Variants in ASTN1 observed in about 807,000 individuals in gnomAD.
ASTN1 encodes the protein astrotactin 1, also known as astrotactin-1.
A neutral mutation model predicts 140.7 loss-of-function variants in ASTN1; 41 were observed. That is an observed-to-expected ratio of 0.29 (90% CI 0.23 to 0.38). The LOEUF is 0.38. ASTN1 is among the 10% of genes least tolerant of loss of function. The pLI is 1.00. For missense variants in ASTN1, 1,479 were observed against 1,678.8 expected (o/e 0.88, Z 2.08); for synonymous variants, 640 against 652.2 (o/e 0.98, Z 0.29).
intron 1 of ASTN1, among the ~76,000 whole-genome samples, chr1:177,138,667 T>A (rs777656373): frequency 3.3e-5 from 5 of 152,178 alleles, no homozygotes; most frequent in South Asian, 2.1e-4. Flanking sequence ...AGAAGAGGTT[T>A]TGTGAGTTTG....
chr1:177,005,940 G>T (rs1343764500), intron 8 of ASTN1, among the ~76,000 whole-genome samples: 2 of 152,058 alleles, frequency 1.3e-5, no homozygotes, highest in African/African-American at 4.8e-5. Flanking sequence ...ATTATGTGAG[G>T]GATTACTCCA....
chr1:177,102,410 A>T (rs111396708), intron 1 of ASTN1, among the ~76,000 whole-genome samples: 1,641 of 152,196 alleles, frequency 0.011, 22 homozygotes, highest in African/African-American at 0.035. Context: ...GGACCATTTG[A>T]CCCATCAGAC....
chr1:177,151,438 A>G (rs1003303415), intron 1 of ASTN1, among the ~76,000 whole-genome samples: 11 of 151,532 alleles, frequency 7.3e-5, no homozygotes, highest in East Asian at 5.8e-4. Flanking sequence ...AAAAAAAAAA[A>G]AGAGAGAGAG....
At chr1:177,073,202 C>T (rs537387018) in intron 1 of ASTN1, among the ~76,000 whole-genome samples, 83 of 152,144 alleles carry the variant, frequency 5.5e-4, no homozygotes, top group Non-Finnish European at 3.5e-4. Flanking sequence ...TGCCAGGGGA[C>T]ATTCATCCTC....
At chr1:177,033,541 A>T (rs1676561191) in intron 2 of ASTN1, among the ~76,000 whole-genome samples, 1 of 152,194 alleles carries the variant, frequency 6.6e-6, no homozygotes, top group South Asian at 2.1e-4. Flanking sequence ...CCATTGACAA[A>T]TCTGAATAGA....
intron 1 of ASTN1, among the ~76,000 whole-genome samples, chr1:177,069,656 C>T (rs573288486): frequency 2.6e-5 from 4 of 152,212 alleles, no homozygotes; most frequent in African/African-American, 9.6e-5. Context: ...TTTACCTAGC[C>T]ATGGAGATGA....
At chr1:177,015,977 T>C (rs1303054305) in intron 7 of ASTN1, among the ~76,000 whole-genome samples, 1 of 152,178 alleles carries the variant, frequency 6.6e-6, no homozygotes, top group Non-Finnish European at 1.5e-5. Context: ...AAAGGTGCCA[T>C]GCCCTAGTGA....
chr1:176,957,073 A>AT (rs148678416), intron 11 of ASTN1, among the ~76,000 whole-genome samples: 5,264 of 147,356 alleles, frequency 0.036, 279 homozygotes, highest in African/African-American at 0.12. Flanking sequence ...AATTTATTCC[A>AT]TTTTTTTTTT....
At chr1:177,045,597 G>A (rs1374667537) in intron 2 of ASTN1, among the ~76,000 whole-genome samples, 1 of 152,184 alleles carries the variant, frequency 6.6e-6, no homozygotes, top group African/African-American at 2.4e-5. Context: ...AATGCAAGGT[G>A]CATGATACAT....
At chr1:176,888,290 C>CA in intron 17 of ASTN1, 86 bp from the exon 18 acceptor site, 1 of 1,497,084 alleles carries the variant, frequency 6.7e-7, no homozygotes, top group East Asian at 2.3e-5. Context: ...CAAGGATCTG[C>CA]ATGGCCCTAA....
intron 1 of ASTN1, among the ~76,000 whole-genome samples, chr1:177,142,194 T>C (rs1682504198): frequency 6.6e-6 from 1 of 152,110 alleles, no homozygotes; most frequent in Admixed American, 6.5e-5. Context: ...GCAATAAAAA[T>C]AATAATTACA....
chr1:177,076,227 C>T (rs7524396), intron 1 of ASTN1, among the ~76,000 whole-genome samples: 4,631 of 134,290 alleles, frequency 0.034, 245 homozygotes, highest in African/African-American at 0.12. Flanking sequence ...TGCAGTGAGC[C>T]GAGATTGTGC....
At chr1:177,061,622 C>A (rs758528181) in intron 1 of ASTN1, among the ~76,000 whole-genome samples, 1 of 152,102 alleles carries the variant, frequency 6.6e-6, no homozygotes. Flanking sequence ...AGGTTGTTTG[C>A]CTCTTGTAAA....
chr1:176,996,020 C>A (rs1198209603), intron 8 of ASTN1, among the ~76,000 whole-genome samples: 1 of 152,172 alleles, frequency 6.6e-6, no homozygotes, highest in Admixed American at 6.5e-5. Context: ...AGAACTCCAC[C>A]AACTGGCCTT....
intron 2 of ASTN1, among the ~76,000 whole-genome samples, chr1:177,054,428 T>G (rs1677696417): frequency 6.6e-6 from 1 of 152,228 alleles, no homozygotes; most frequent in African/African-American, 2.4e-5. Context: ...TTAGTCTGTT[T>G]GTTGTACTGA....
At chr1:176,913,529 A>G (rs1280494078) in intron 16 of ASTN1, among the ~76,000 whole-genome samples, 1 of 152,254 alleles carries the variant, frequency 6.6e-6, no homozygotes, top group Non-Finnish European at 1.5e-5. Context: ...CACTATTAAA[A>G]CATTTTCTAT....
chr1:176,931,843 A>G (rs1671216466), intron 16 of ASTN1, among the ~76,000 whole-genome samples: 1 of 152,236 alleles, frequency 6.6e-6, no homozygotes, highest in Non-Finnish European at 1.5e-5. Context: ...TTAAAGTTGA[A>G]TAAGGCAAAG....
Position 176,958,390 on chromosome 1 carries a change from T to A in ASTN1, c.1691A>T (p.Lys564Met). Residue 564 changes from lysine (K) to methionine (M), a missense_variant, in exon 10 of 23, where the codon AAG becomes ATG. By Grantham distance (95) the Lys-to-Met change is moderately conservative. Around this residue, in one of 3 missense-constraint regions of ASTN1, gnomAD observed 729 missense variants for 860.4 expected, o/e 0.85. Transcript: ENST00000361833. ...PAELAINPSA[K>M]CKTDMTVMED... ...CATCACAGTCATGTCCGTCTTGCAC[T>A]TTGCTGATGGATTGATGGCCAGTTC... The A allele has an allele frequency of 1.9e-6, 3 of 1,614,104 alleles. No individual in the cohort carries two copies. The highest frequency in any genetic ancestry group is 1.7e-6 in the Non-Finnish European group (2 of 1,179,972).
intron 2 of ASTN1, among the ~76,000 whole-genome samples, chr1:177,036,617 C>T (rs1676731957): frequency 6.6e-6 from 1 of 152,042 alleles, no homozygotes; most frequent in Admixed American, 6.5e-5. Context: ...TGTAAAATCA[C>T]TACACATAAA....
Sources: gnomAD v4.1 joint callset for allele counts (sites outside exome capture counted in the v4.1 genomes callset) on GRCh38, gnomAD v4.1.1 for gene constraint, gnomAD v4.1.1 regional missense constraint, MANE v1.5 for transcripts, NCBI Gene and HGNC (gene_info 2026-07-23, HGNC 2026-07-21) for gene names.